Variants in TNFRSF11B observed in about 807,000 individuals in gnomAD.
The protein encoded by TNFRSF11B is TNF receptor superfamily member 11b.
A neutral mutation model predicts 43.4 loss-of-function variants in TNFRSF11B; 16 were observed. The ratio of observed to expected loss-of-function variants is 0.37; its 90% CI spans 0.25 to 0.56. The LOEUF (loss-of-function observed/expected upper bound fraction) is 0.56, where lower values mean the gene tolerates loss of function less well. Among genes scored for constraint, TNFRSF11B ranks in the 20% least tolerant of loss-of-function variants. The probability of loss-of-function intolerance (pLI) is 0.80; values close to 1 mark genes in which losing one functional copy is unlikely to be tolerated. For missense variants in TNFRSF11B, 444 were observed against 490.1 expected (o/e 0.91, Z 0.89); for synonymous variants, 185 against 181.8 (o/e 1.02, Z -0.14).
chr8:118,947,686 A>T (rs11573824), intron 1 of TNFRSF11B, among the ~76,000 whole-genome samples: 101,336 of 151,672 alleles, frequency 0.67, 35,867 homozygotes, highest in African/African-American at 0.92. Flanking sequence ...TTGTTATACA[A>T]ACTTAATTTT....
chr8:118,941,103 G>A (rs1812478222), intron 1 of TNFRSF11B, among the ~76,000 whole-genome samples: 1 of 152,182 alleles, frequency 6.6e-6, no homozygotes, highest in Non-Finnish European at 1.5e-5. Flanking sequence ...TAAAATGATA[G>A]TGATGACCGA....
chr8:118,926,026 C>T (rs1812240248), intron 4 of TNFRSF11B, among the ~76,000 whole-genome samples: 1 of 152,230 alleles, frequency 6.6e-6, no homozygotes. Context: ...TTAATGCAGG[C>T]CATATCATGA....
At chr8:118,935,873 A>C (rs1812399872) in intron 1 of TNFRSF11B, among the ~76,000 whole-genome samples, 1 of 152,116 alleles carries the variant, frequency 6.6e-6, no homozygotes. Flanking sequence ...GGAGTCCTGA[A>C]GTTTTCCCCA....
chr8:118,944,548 T>C (rs984368829), intron 1 of TNFRSF11B, among the ~76,000 whole-genome samples: 8 of 152,128 alleles, frequency 5.3e-5, no homozygotes, highest in East Asian at 1.9e-4. Flanking sequence ...AACAAGTACA[T>C]CATCCTCATA....
intron 1 of TNFRSF11B, 25 bp from the exon 2 acceptor site, chr8:118,933,325 G>A (rs1812355569): frequency 1.1e-5 from 17 of 1,611,444 alleles, no homozygotes; most frequent in Non-Finnish European, 1.4e-5. Context: ...GAACACAGTG[G>A]CATCATCTTA....
chr8:118,933,049 C>T lies in TNFRSF11B; in HGVS notation c.282G>A (p.Lys94=). 11 of 1,614,168 alleles carry T rather than the reference C, an allele frequency of 6.8e-6. No homozygotes were observed. Among genetic ancestry groups the T allele is most frequent in the Non-Finnish European group, 9.3e-6 (11 of 1,180,022 alleles). ...SPVCKELQYV[K]QECNRTHNRV... ...GGTTGTGGGTGCGATTGCACTCCTG[C>T]TTGACGTACTGCAGCTCCTTGCACA... Residue 94 remains lysine (K), a synonymous_variant, in exon 2 of 5, where the codon AAG becomes AAA. Transcript: ENST00000297350.
intron 1 of TNFRSF11B, among the ~76,000 whole-genome samples, chr8:118,935,418 A>G (rs1024382203): frequency 1.3e-5 from 2 of 152,208 alleles, no homozygotes; most frequent in African/African-American, 4.8e-5. Context: ...CTTCAAGTTC[A>G]TACTTGAGTG....
chr8:118,942,753 T>C (rs1365010714), intron 1 of TNFRSF11B, among the ~76,000 whole-genome samples: 6 of 152,138 alleles, frequency 3.9e-5, no homozygotes, highest in Admixed American at 1.3e-4. Context: ...GTGTCAGAGC[T>C]AGCACACATT....
chr8:118,939,624 C>G (rs1385632490), intron 1 of TNFRSF11B, among the ~76,000 whole-genome samples: 6 of 152,162 alleles, frequency 3.9e-5, no homozygotes, highest in Admixed American at 2.6e-4. Flanking sequence ...TAATTACTGA[C>G]AGCAGGAAGA....
In TNFRSF11B at chr8:118,927,054, G is replaced by C. The variant is rs552768302; in HGVS notation, c.593-336C>G. ...TAACATTCTATTAAAGGTTTACCTA[G>C]TACCCACAGGGAACTTCATGATTAA... On this transcript the variant is annotated intron_variant, in intron 3 of 4. Transcript: ENST00000297350. 2.0e-5 allele frequency among the ~76,000 whole-genome samples: 3 copies of C among 152,260 alleles called. No individual in the cohort carries two copies. In the South Asian group the frequency reaches 6.2e-4, roughly 32 times the overall value.
chr8:118,933,371 T>C, intron 1 of TNFRSF11B, 71 bp from the exon 2 acceptor site: 2 of 1,591,750 alleles, frequency 1.3e-6, no homozygotes, highest in East Asian at 2.2e-5. Flanking sequence ...TGCAACAGTA[T>C]CATTTGACTC....
chr8:118,948,406 A>G (rs1812596146), intron 1 of TNFRSF11B, among the ~76,000 whole-genome samples: 1 of 152,178 alleles, frequency 6.6e-6, no homozygotes. Context: ...GGAACATGCC[A>G]GCAGTGGGGG....
chr8:118,926,190 C>A (rs374941254), intron 4 of TNFRSF11B, among the ~76,000 whole-genome samples: 50 of 152,222 alleles, frequency 3.3e-4, no homozygotes, highest in African/African-American at 1.2e-3. Context: ...CTTACAGAAG[C>A]GTTAAGGGAT....
intron 1 of TNFRSF11B, among the ~76,000 whole-genome samples, chr8:118,936,908 C>T (rs193273035): frequency 3.3e-5 from 5 of 152,252 alleles, no homozygotes; most frequent in African/African-American, 1.2e-4. Context: ...TTCTTTCTTT[C>T]GTTGTCCTCC....
chr8:118,931,673 C>T (rs952245256), intron 2 of TNFRSF11B, among the ~76,000 whole-genome samples: 18 of 152,180 alleles, frequency 1.2e-4, no homozygotes, highest in Admixed American at 3.9e-4. Context: ...GACTCTGATG[C>T]AATTTGCATC....
rs1330453215 is a variant in TNFRSF11B, at chr8:118,934,553, G to A, written c.31-1253C>T. ...TCATGGGCAAGGGTGCCACTTGGAA[G>A]GAGAGTTTCAACTGGGTATTCTGTC... is the stretch of plus-strand genomic sequence containing the variant. On this transcript the variant is annotated intron_variant, in intron 1 of 4. Coordinates refer to ENST00000297350, the MANE Select transcript of TNFRSF11B (RefSeq NM_002546.4). Among the ~76,000 whole-genome samples the A allele has an allele frequency of 2.0e-5, 3 of 152,158 alleles. No homozygotes were observed. In the East Asian group the frequency reaches 5.8e-4, roughly 29 times the overall value.
intron 1 of TNFRSF11B, among the ~76,000 whole-genome samples, chr8:118,947,151 T>G (rs943041868): frequency 6.6e-6 from 1 of 152,160 alleles, no homozygotes. Flanking sequence ...ATTGGTCAGG[T>G]GGGTAGGGTG....
chr8:118,947,434 A>G (rs1350144556), intron 1 of TNFRSF11B, among the ~76,000 whole-genome samples: 2 of 152,202 alleles, frequency 1.3e-5, no homozygotes, highest in African/African-American at 2.4e-5. Context: ...CAAAGAGCCC[A>G]TACTTTGCCA....
At chr8:118,947,199 A>G (rs1812576534) in intron 1 of TNFRSF11B, among the ~76,000 whole-genome samples, 1 of 151,920 alleles carries the variant, frequency 6.6e-6, no homozygotes, top group Admixed American at 6.5e-5. Flanking sequence ...AGTCAACATT[A>G]GAAGTGAACT....
Sources: allele counts gnomAD v4.1 joint callset (sites outside exome capture counted in the v4.1 genomes callset), GRCh38; gene constraint gnomAD v4.1.1; transcripts MANE v1.5; gene names NCBI Gene and HGNC (gene_info 2026-07-23, HGNC 2026-07-21).